The following HDLBP variants were observed in gnomAD, a reference collection of about 807,000 sequenced individuals.
HDLBP encodes the protein high density lipoprotein binding protein.
HDLBP carries 30 observed loss-of-function variants against 137.3 expected under a neutral mutation model. The ratio of observed to expected loss-of-function variants is 0.22; its 90% CI spans 0.16 to 0.30. The LOEUF is 0.30. Ranked by LOEUF, HDLBP falls within the 10% of genes least tolerant of loss-of-function variation. HDLBP has a pLI of 1.00. For missense variants in HDLBP, 1,119 were observed against 1,667.3 expected, an observed-to-expected ratio of 0.67 and a Z score of 5.73; for synonymous variants, 606 against 596.0, an observed-to-expected ratio of 1.02 and a Z score of -0.24.
At chr2:241,300,758 C>T (rs1447149024) in intron 1 of HDLBP, among the ~76,000 whole-genome samples, 2 of 152,138 alleles carry the variant, frequency 1.3e-5, no homozygotes, top group African/African-American at 4.8e-5. Context: ...AACCCGGGGA[C>T]ACCCCAGAGC....
chr2:241,249,803 G>A (rs1333785920), intron 12 of HDLBP, 38 bp downstream of exon 12: 1 of 1,567,272 alleles, frequency 6.4e-7, no homozygotes, highest in Non-Finnish European at 8.6e-7. Context: ...GAGACGCAAG[G>A]CCAGTGCCTT....
rs991674466 is a variant in HDLBP, at chr2:241,233,666, C to A, written c.3288+154G>T. 1.3e-5 allele frequency among the ~76,000 whole-genome samples: 2 copies of A among 152,150 alleles called. No homozygotes were observed. The highest frequency in any genetic ancestry group is 4.8e-5 in the African/African-American group (2 of 41,418). On this transcript the variant is annotated intron_variant, in intron 24 of 27. Transcript: ENST00000310931. This position sits in a 1 kb window ranked among gnomAD's most constrained non-coding sequence, Gnocchi z 4.3. ...CCATCTGGCAAGTACCGAGACACAGCCCAAACCTCAAGCCAGAATTAGGTC... is the reference window on the plus strand; with the variant it reads ...CCATCTGGCAAGTACCGAGACACAGACCAAACCTCAAGCCAGAATTAGGTC...
At chr2:241,314,336 A>C (rs2149742397) in intron 1 of HDLBP, among the ~76,000 whole-genome samples, 1 of 152,326 alleles carries the variant, frequency 6.6e-6, no homozygotes, top group Non-Finnish European at 1.5e-5. Flanking sequence ...TAAGCTTATT[A>C]TGCAATGTGC....
At chr2:241,235,078 A>G in intron 23 of HDLBP, 43 bp downstream of exon 23, 4 of 1,602,008 alleles carry the variant, frequency 2.5e-6, no homozygotes, top group Non-Finnish European at 3.4e-6. Context: ...CCCAAAGCTG[A>G]GCACCATGGC....
chr2:241,229,883 T>C lies in HDLBP; in HGVS notation c.3670A>G (p.Arg1224Gly). 1 of 1,586,946 alleles carries C rather than the reference T, an allele frequency of 6.3e-7. No homozygotes were observed. The highest frequency in any genetic ancestry group is 1.1e-5 in the South Asian group (1 of 88,260). Residue 1224 changes from arginine to glycine, a missense_variant, in exon 27 of 28, where the codon AGA becomes GGA. Arg to Gly is a moderately radical substitution (Grantham distance 125). Transcript: ENST00000310931. ...GGTGCGTCCCGCACCACAAAGCCTC[T>C]GGAAGGTGCCTTGGCCTCTTCGTGT... ...PAHEEAKAPS[R>G]GFVVRDAPWT... is the part of the protein sequence containing the mutation.
At chr2:241,243,914 G>A (rs1234085101) in intron 16 of HDLBP, among the ~76,000 whole-genome samples, 1 of 152,006 alleles carries the variant, frequency 6.6e-6, no homozygotes, top group Non-Finnish European at 1.5e-5. Context: ...CCATAACGAG[G>A]AAAAGAAAAT....
intron 20 of HDLBP, among the ~76,000 whole-genome samples, chr2:241,237,356 C>A (rs2070669020): frequency 6.6e-6 from 1 of 152,138 alleles, no homozygotes. Context: ...GCTGGAGGGG[C>A]TCCTACAGGC....
chr2:241,231,244 CGTG>C (rs2149318596), intron 24 of HDLBP: 1 of 273,780 alleles, frequency 3.7e-6, no homozygotes, highest in South Asian at 4.8e-5. Flanking sequence ...ATTAGCCGGG[CGTG>C]GTGGTGCACG....
intron 1 of HDLBP, among the ~76,000 whole-genome samples, chr2:241,305,329 G>A (rs2075535255): frequency 6.6e-6 from 1 of 152,136 alleles, no homozygotes; most frequent in Non-Finnish European, 1.5e-5. Flanking sequence ...CACCATGTTG[G>A]ACAGGCTGGT....
chr2:241,267,450 C>A, intron 2 of HDLBP: 1 of 851,890 alleles, frequency 1.2e-6, no homozygotes, highest in Non-Finnish European at 1.9e-6. Flanking sequence ...AACACCACCC[C>A]TAACCGCAGG....
At chr2:241,297,018 C>T (rs1046173298) in intron 1 of HDLBP, among the ~76,000 whole-genome samples, 4 of 152,250 alleles carry the variant, frequency 2.6e-5, no homozygotes, top group Non-Finnish European at 4.4e-5. Context: ...AACAAGAATC[C>T]AACGGCTCAC....
chr2:241,301,014 T>C (rs2075379651), intron 1 of HDLBP, among the ~76,000 whole-genome samples: 1 of 151,138 alleles, frequency 6.6e-6, no homozygotes, highest in Admixed American at 6.6e-5. Context: ...TCTCACTCTG[T>C]CACCCAGGCT....
intron 1 of HDLBP, among the ~76,000 whole-genome samples, chr2:241,280,369 C>T (rs1324172311): frequency 1.3e-5 from 2 of 152,152 alleles, no homozygotes; most frequent in African/African-American, 2.4e-5. Context: ...TATATTATTA[C>T]ATTAAACTCC....
Position 241,255,169 on chromosome 2 carries a change from G to C in HDLBP, c.1081-11C>G. On this transcript the variant is annotated splice_polypyrimidine_tract_variant and intron_variant, in intron 8 of 27. Coordinates refer to ENST00000310931, the MANE Select transcript of HDLBP (RefSeq NM_005336.6). ...GGTGAAGCTATTGGCCTAAGAAAAT[G>C]GGAGAACAGCCATGGGTTTGCAGAG... The C allele has an allele frequency of 6.2e-7, 1 of 1,610,572 alleles. No homozygotes were observed. The highest frequency in any genetic ancestry group is 8.5e-7 in the Non-Finnish European group (1 of 1,176,866).
intron 1 of HDLBP, among the ~76,000 whole-genome samples, chr2:241,301,640 G>T (rs2075399048): frequency 6.6e-6 from 1 of 151,998 alleles, no homozygotes; most frequent in African/African-American, 2.4e-5. Context: ...GAATTTTAAG[G>T]TTCTACTCAC....
At chr2:241,301,948 G>C (rs185852311) in intron 1 of HDLBP, among the ~76,000 whole-genome samples, 1 of 152,082 alleles carries the variant, frequency 6.6e-6, no homozygotes, top group African/African-American at 2.4e-5. Context: ...AAGAGGCCGA[G>C]GGCCAGGCAC....
At chr2:241,259,592 A>C (rs1451030638) in intron 5 of HDLBP, among the ~76,000 whole-genome samples, 1 of 152,094 alleles carries the variant, frequency 6.6e-6, no homozygotes, top group East Asian at 1.9e-4. Context: ...AGGCTCAAAC[A>C]ATCCTTTCTC....
Position 241,272,134 on chromosome 2 carries a change from A to C in HDLBP, c.-102-3593T>G. ...CACGTCCAAGTTGCACTCCAGGCCC[A>C]AGAAGAGCAGCTTTCCCCACCCCCG... On this transcript the variant is annotated intron_variant, in intron 1 of 27. Transcript: ENST00000310931. This position sits in a 1 kb window ranked among gnomAD's most constrained non-coding sequence, Gnocchi z 5.6. 1 of 978,370 alleles carries C rather than the reference A, an allele frequency of 1.0e-6. No homozygotes were observed. The highest frequency in any genetic ancestry group is 1.2e-6 in the Non-Finnish European group (1 of 823,540). 60.6% of individuals were successfully genotyped at this position (978,370 alleles called of 1,614,324 possible).
At chr2:241,252,210 A>G (rs1441690611) in intron 11 of HDLBP, among the ~76,000 whole-genome samples, 1 of 151,974 alleles carries the variant, frequency 6.6e-6, no homozygotes, top group African/African-American at 2.4e-5. Flanking sequence ...CCTCTTCAAC[A>G]GAATCCCCCT....
Sources: allele counts gnomAD v4.1 joint callset (sites outside exome capture counted in the v4.1 genomes callset), GRCh38; gene constraint gnomAD v4.1.1; non-coding constraint Gnocchi (gnomAD v3.1); transcripts MANE v1.5; gene names NCBI Gene and HGNC (gene_info 2026-07-23, HGNC 2026-07-21).